The following MSRA variants were observed in gnomAD, a reference collection of about 807,000 sequenced individuals.
MSRA encodes the protein mitochondrial peptide methionine sulfoxide reductase.
A neutral mutation model predicts 31.3 loss-of-function variants in MSRA; 54 were observed. The ratio of observed to expected loss-of-function variants is 1.73; its 90% CI spans 1.39 to 2.17. The LOEUF (loss-of-function observed/expected upper bound fraction) is 2.17, where lower values mean the gene tolerates loss of function less well. Among genes scored for constraint, MSRA ranks in the 30% most tolerant of loss-of-function variants. The pLI is 0.00. For synonymous variants in MSRA, 169 were observed against 116.5 expected (o/e 1.45, Z -2.90); for missense variants, 507 against 300.9 (o/e 1.69, Z -5.07).
At chr8:10,142,736 C>T (rs1319692236) in intron 1 of MSRA, among the ~76,000 whole-genome samples, 1 of 152,122 alleles carries the variant, frequency 6.6e-6, no homozygotes, top group Non-Finnish European at 1.5e-5. Context: ...TTTTCCCGGA[C>T]TATTTGATAA....
intron 5 of MSRA, among the ~76,000 whole-genome samples, chr8:10,323,864 C>T (rs1408628521): frequency 6.6e-6 from 1 of 151,950 alleles, no homozygotes; most frequent in Non-Finnish European, 1.5e-5. Flanking sequence ...GATTGGGACT[C>T]CTGTGCCTTT....
intron 2 of MSRA, among the ~76,000 whole-genome samples, chr8:10,240,732 AC>A (rs1397429811): frequency 4.0e-5 from 6 of 151,736 alleles, no homozygotes; most frequent in Non-Finnish European, 5.9e-5. Context: ...TTTTTCCCTT[AC>A]CCCTGTCTTT....
chr8:10,374,285 T>A (rs1262007802), intron 5 of MSRA, among the ~76,000 whole-genome samples: 2 of 152,152 alleles, frequency 1.3e-5, no homozygotes, highest in African/African-American at 4.8e-5. Flanking sequence ...AAACTGTGAT[T>A]CTCCTAAATC....
intron 1 of MSRA, among the ~76,000 whole-genome samples, chr8:10,176,390 C>G (rs1019397561): frequency 1.3e-5 from 2 of 152,198 alleles, no homozygotes; most frequent in Non-Finnish European, 2.9e-5. Context: ...TCACAAGGAT[C>G]TAGGACAGAA....
chr8:10,347,536 C>T (rs973592822), intron 5 of MSRA, among the ~76,000 whole-genome samples: 35 of 152,234 alleles, frequency 2.3e-4, no homozygotes, highest in African/African-American at 7.9e-4. Flanking sequence ...TTTTTATTCC[C>T]ACCTCAGCCT....
At chr8:10,140,470 A>T (rs62488714) in intron 1 of MSRA, among the ~76,000 whole-genome samples, 35,611 of 152,144 alleles carry the variant, frequency 0.23, 4,458 homozygotes, top group East Asian at 0.39. Flanking sequence ...GGCATTTGCC[A>T]TAAATGTTTA....
chr8:10,198,747 C>T (rs1161518475), intron 1 of MSRA, among the ~76,000 whole-genome samples: 3 of 152,140 alleles, frequency 2.0e-5, no homozygotes, highest in African/African-American at 7.2e-5. Context: ...GCTCAGCCTC[C>T]CTAGTAGCTG....
intron 1 of MSRA, among the ~76,000 whole-genome samples, chr8:10,100,843 C>G (rs1212944481): frequency 2.0e-5 from 3 of 152,192 alleles, no homozygotes; most frequent in African/African-American, 7.2e-5. Flanking sequence ...AAGAATCTCT[C>G]AGTCTTACAC....
At chr8:10,365,045 G>A (rs563720674) in intron 5 of MSRA, among the ~76,000 whole-genome samples, 6 of 151,014 alleles carry the variant, frequency 4.0e-5, no homozygotes, top group Admixed American at 6.6e-5. Flanking sequence ...ATATCTCATG[G>A]AGGCTGAGCT....
At chr8:10,172,065 T>G (rs1279777963) in intron 1 of MSRA, among the ~76,000 whole-genome samples, 4 of 152,184 alleles carry the variant, frequency 2.6e-5, no homozygotes, top group Non-Finnish European at 5.9e-5. Flanking sequence ...ACTCCCAGAT[T>G]TCCATGGGGA....
intron 1 of MSRA, among the ~76,000 whole-genome samples, chr8:10,060,256 T>G (rs922358045): frequency 6.6e-6 from 1 of 152,168 alleles, no homozygotes; most frequent in Non-Finnish European, 1.5e-5. Flanking sequence ...CAGTTCATTG[T>G]CACAATGGAT....
At chr8:10,423,974 C>T (rs770853741) in intron 5 of MSRA, among the ~76,000 whole-genome samples, 1 of 152,206 alleles carries the variant, frequency 6.6e-6, no homozygotes, top group Non-Finnish European at 1.5e-5. Flanking sequence ...GAGGGAGAGA[C>T]ACAGACAGTC....
rs758422571 is a variant in MSRA, at chr8:10,054,576, C to T, written c.60C>T (p.Val20=). 6.3e-7 allele frequency: 1 copy of T among 1,586,118 alleles called. No individual in the cohort carries two copies. The highest frequency in any genetic ancestry group is 2.4e-5 in the East Asian group (1 of 41,016). The change falls in exon 1 of 6, where the codon GTC becomes GTT. Residue 20 remains valine (V), a synonymous_variant. Coordinates refer to ENST00000317173, the MANE Select transcript of MSRA (RefSeq NM_012331.5). ...TCCTCCTCCACAGCCTCTTTCCCGTCCCGAGGATGGGCAACTCGGCCTCGA... is the reference window on the plus strand; with the variant it reads ...TCCTCCTCCACAGCCTCTTTCCCGTTCCGAGGATGGGCAACTCGGCCTCGA... The part of the protein sequence containing the change: ...QLLLLHSLFP[V]PRMGNSASNI...
At chr8:10,115,906 A>T (rs764270459) in intron 1 of MSRA, among the ~76,000 whole-genome samples, 12 of 152,208 alleles carry the variant, frequency 7.9e-5, no homozygotes, top group Non-Finnish European at 1.8e-4. Flanking sequence ...AAAACAAGAT[A>T]CTAATTTTTG....
chr8:10,096,749 T>C (rs903971344), intron 1 of MSRA, among the ~76,000 whole-genome samples: 2 of 152,152 alleles, frequency 1.3e-5, no homozygotes, highest in Non-Finnish European at 1.5e-5. Flanking sequence ...CTGATTATGA[T>C]TGGATTGTGA....
chr8:10,418,037 C>T (rs111456004), intron 5 of MSRA, among the ~76,000 whole-genome samples: 51 of 152,146 alleles, frequency 3.4e-4, no homozygotes, highest in African/African-American at 1.2e-3. Context: ...TCTTAGAAGC[C>T]CGACCCTAAT....
At position 10,054,673 on chromosome 8, in the gene MSRA, C is replaced by T. The variant is rs1802203107; in HGVS notation, c.142+15C>T. On this transcript the variant is annotated intron_variant, in intron 1 of 5. Coordinates refer to ENST00000317173, the MANE Select transcript of MSRA (RefSeq NM_012331.5). ...CCCTGTAGCGGGTAAGCACTGGCCA[C>T]ACGGAAGGCGCGGGCGGCGACGCTG... The T allele has an allele frequency of 4.0e-6, 6 of 1,500,238 alleles. No individual in the cohort carries two copies. Among genetic ancestry groups the T allele is most frequent in the East Asian group, 2.8e-5 (1 of 36,254 alleles). 92.9% of individuals were successfully genotyped at this position (1,500,238 alleles called of 1,614,324 possible). A position where few individuals can be genotyped will look rare whatever the true frequency, so the allele number is the denominator to read the frequency against.
intron 5 of MSRA, among the ~76,000 whole-genome samples, chr8:10,378,110 G>A (rs896019355): frequency 6.6e-6 from 1 of 152,236 alleles, no homozygotes; most frequent in African/African-American, 2.4e-5. Context: ...GAGGGCACAG[G>A]GCGGAAGCAG....
chr8:10,054,611 G>T lies in MSRA; in HGVS notation c.95G>T (p.Ser32Ile), dbSNP rs1176853359. 3 of 1,578,612 alleles carry T rather than the reference G, an allele frequency of 1.9e-6. No individual in the cohort carries two copies. In the African/African-American group the frequency reaches 4.2e-5, roughly 22 times the overall value. Reference sequence around the variant, plus strand: ...GGCAACTCGGCCTCGAACATCGTCAGCCCCCAGGAGGCCTTGCCGGGCCGG... The same window carrying T: ...GGCAACTCGGCCTCGAACATCGTCATCCCCCAGGAGGCCTTGCCGGGCCGG... ...RMGNSASNIV[S>I]PQEALPGRKE... Residue 32 changes from serine to isoleucine, a missense_variant, in exon 1 of 6, where the codon AGC (serine) becomes ATC (isoleucine). Ser to Ile is a moderately radical substitution (Grantham distance 142, BLOSUM62 -2). Transcript: ENST00000317173.
Sources: gnomAD v4.1 joint callset for allele counts (sites outside exome capture counted in the v4.1 genomes callset) on GRCh38, gnomAD v4.1.1 for gene constraint, MANE v1.5 for transcripts, NCBI Gene and HGNC (gene_info 2026-07-23, HGNC 2026-07-21) for gene names.